VPS13B: variants seen among roughly 807,000 people sequenced by gnomAD.
VPS13B encodes intermembrane lipid transfer protein VPS13B.
Under a neutral mutation model 426.4 loss-of-function variants are expected in VPS13B, and 285 were observed. The observed-to-expected ratio is 0.67, with a 90% CI of 0.61 to 0.74. The LOEUF (loss-of-function observed/expected upper bound fraction) is 0.74, where lower values mean the gene tolerates loss of function less well. Among genes scored for constraint, VPS13B ranks in the 30% least tolerant of loss-of-function variants. The pLI is 0.00. For synonymous variants in VPS13B, 1,676 were observed against 1,676.4 expected (o/e 1.00, Z 0.01); for missense variants, 4,537 against 4,782.6 (o/e 0.95, Z 1.51).
rs1357373808 is a variant in VPS13B at position 99,640,108 on chromosome 8, AAAG to A, written c.5221-1693_5221-1691del. Reference sequence around the variant, plus strand: ...AAAGAAAAGAAAAGAAAAGAAAAGAAAAGAAGAAGAAGCAATACCCAGTTACCC... The same window carrying A: ...AAAGAAAAGAAAAGAAAAGAAAAGAAAAGAAGAAGCAATACCCAGTTACCC... On this transcript the variant is annotated intron_variant, in intron 33 of 61. Transcript: ENST00000357162. 2.1e-4 allele frequency among the ~76,000 whole-genome samples: 31 copies of A among 149,624 alleles called. 1 individual carries two copies. Among genetic ancestry groups the A allele is most frequent in the Admixed American group, 6.7e-4 (10 of 14,966 alleles).
At chr8:99,312,770 C>A (rs1220305234) in intron 19 of VPS13B, among the ~76,000 whole-genome samples, 1 of 152,170 alleles carries the variant, frequency 6.6e-6, no homozygotes, top group Non-Finnish European at 1.5e-5. Context: ...TGTTTTCTGA[C>A]TTGGTTCCAT....
Position 99,115,871 on chromosome 8 carries a change from A to G in VPS13B, c.934A>G (p.Thr312Ala), listed in dbSNP as rs780702951. 27 of 1,612,020 alleles carry G rather than the reference A, an allele frequency of 1.7e-5. No homozygotes were observed. In the African/African-American group the frequency reaches 2.7e-4, roughly 16 times the overall value. Residue 312 changes from threonine to alanine, a missense_variant, in exon 7 of 62, where the codon ACA becomes GCA. By Grantham distance (58) the Thr-to-Ala change is moderately conservative. Coordinates refer to ENST00000357162, the MANE Select transcript of VPS13B (RefSeq NM_152564.5). ...TAATAAAGATATGCTAGGAAACATT[A>G]CAGGTAATGTAAAACTTTATTAAAC... ...CHNKDMLGNI[T>A]GSEDETRIDM...
At chr8:99,421,456 A>G (rs1458255878) in intron 21 of VPS13B, among the ~76,000 whole-genome samples, 40 of 152,130 alleles carry the variant, frequency 2.6e-4, no homozygotes, top group Non-Finnish European at 1.5e-5. Flanking sequence ...ACTAGGAGTC[A>G]TTGTATGGGG....
intron 41 of VPS13B, 140 bp downstream of exon 41, chr8:99,777,096 G>A: frequency 9.5e-7 from 1 of 1,057,528 alleles, no homozygotes. Context: ...GTTATCCTGG[G>A]GTTGACTTGG....
At chr8:99,129,171 T>G (rs1251858348) in intron 8 of VPS13B, among the ~76,000 whole-genome samples, 2 of 152,114 alleles carry the variant, frequency 1.3e-5, no homozygotes, top group Non-Finnish European at 2.9e-5. Flanking sequence ...TTAACATCAT[T>G]ATTCTCAGTT....
chr8:99,752,946 C>T (rs1036610606), intron 39 of VPS13B, among the ~76,000 whole-genome samples: 11 of 152,240 alleles, frequency 7.2e-5, no homozygotes, highest in Admixed American at 2.0e-4. Flanking sequence ...AACTGAAATA[C>T]GGGAGTCAGT....
intron 39 of VPS13B, among the ~76,000 whole-genome samples, chr8:99,740,524 G>C (rs1026321300): frequency 6.6e-6 from 1 of 152,158 alleles, no homozygotes; most frequent in Non-Finnish European, 1.5e-5. Context: ...ATAATTGTCA[G>C]ATTCACCAAA....
chr8:99,379,278 A>C lies in VPS13B; in HGVS notation c.2825-4930A>C, dbSNP rs147683419. On this transcript the variant is annotated intron_variant, in intron 19 of 61. Coordinates refer to ENST00000357162, the MANE Select transcript of VPS13B (RefSeq NM_152564.5). ...AAGACTGGGGATTGTTGGTCTTCAC[A>C]AGAAAGTCTAAGGCTCATCTATCTC... Among the ~76,000 whole-genome samples the C allele has an allele frequency of 7.7e-3, 1,172 of 152,272 alleles. 17 individuals are homozygous for C. The highest frequency in any genetic ancestry group is 0.027 in the African/African-American group (1,137 of 41,554).
At chr8:99,372,822 C>G (rs1221387500) in intron 19 of VPS13B, among the ~76,000 whole-genome samples, 1 of 152,082 alleles carries the variant, frequency 6.6e-6, no homozygotes, top group African/African-American at 2.4e-5. Context: ...GGGTATATAC[C>G]CAAAGGATTA....
At chr8:99,441,363 C>T (rs150096845) in intron 22 of VPS13B, among the ~76,000 whole-genome samples, 33 of 152,156 alleles carry the variant, frequency 2.2e-4, no homozygotes, top group African/African-American at 7.7e-4. Flanking sequence ...TTGCTATTAT[C>T]TTTTAAAAAT....
intron 40 of VPS13B, among the ~76,000 whole-genome samples, chr8:99,767,877 C>T (rs190180990): frequency 6.6e-6 from 1 of 151,984 alleles, no homozygotes; most frequent in African/African-American, 2.4e-5. Flanking sequence ...TGCAGTGAGC[C>T]GTGATCTCAC....
chr8:99,733,346 C>G (rs1384120390), intron 39 of VPS13B, among the ~76,000 whole-genome samples: 1 of 152,158 alleles, frequency 6.6e-6, no homozygotes, highest in East Asian at 1.9e-4. Flanking sequence ...GAGTCCAAAT[C>G]CAAGGTCAGC....
intron 30 of VPS13B, among the ~76,000 whole-genome samples, chr8:99,549,709 G>C (rs1294442783): frequency 2.0e-5 from 3 of 152,032 alleles, no homozygotes; most frequent in Non-Finnish European, 2.9e-5. Flanking sequence ...AAAACGGCCT[G>C]TCTTTGGCTG....
Position 99,823,818 on chromosome 8 carries a change from C to T in VPS13B, c.9184-14C>T. On this transcript the variant is annotated splice_polypyrimidine_tract_variant and intron_variant, in intron 50 of 61. Transcript: ENST00000357162. ...CAGTATTGTCAAAATTATTTTTTCT[C>T]AATTATCTTGTAGTTATGTCAGTTC... is the stretch of plus-strand genomic sequence containing the variant. The T allele has an allele frequency of 1.2e-6, 2 of 1,612,094 alleles. No individual in the cohort carries two copies. The highest frequency in any genetic ancestry group is 1.7e-6 in the Non-Finnish European group (2 of 1,179,302).
chr8:99,303,947 A>G (rs955031350), intron 19 of VPS13B, among the ~76,000 whole-genome samples: 1 of 151,978 alleles, frequency 6.6e-6, no homozygotes, highest in African/African-American at 2.4e-5. Flanking sequence ...CCATAGCTTA[A>G]TTTTGACGTT....
chr8:99,748,179 C>T (rs1474744730), intron 39 of VPS13B, among the ~76,000 whole-genome samples: 4 of 151,994 alleles, frequency 2.6e-5, no homozygotes, highest in Non-Finnish European at 1.5e-5. Context: ...AAAAAGCACT[C>T]CCCAAACTCA....
intron 39 of VPS13B, among the ~76,000 whole-genome samples, chr8:99,734,778 G>A (rs998415482): frequency 1.3e-5 from 2 of 152,184 alleles, no homozygotes; most frequent in Non-Finnish European, 2.9e-5. Flanking sequence ...AGTTGGAATG[G>A]GAAGGAGGAA....
intron 17 of VPS13B, among the ~76,000 whole-genome samples, chr8:99,229,767 C>T (rs557858182): frequency 3.8e-4 from 58 of 152,222 alleles, no homozygotes; most frequent in Non-Finnish European, 6.9e-4. Context: ...AGGTGTCATA[C>T]TCTAAAGCCT....
chr8:99,491,680 C>G (rs1261740183), intron 25 of VPS13B, among the ~76,000 whole-genome samples: 1 of 152,116 alleles, frequency 6.6e-6, no homozygotes, highest in Non-Finnish European at 1.5e-5. Flanking sequence ...GCATGCATCA[C>G]GTAGTTCTCG....
Sources: allele counts gnomAD v4.1 joint callset (sites outside exome capture counted in the v4.1 genomes callset), GRCh38; gene constraint gnomAD v4.1.1; transcripts MANE v1.5; gene names NCBI Gene and HGNC (gene_info 2026-07-23, HGNC 2026-07-21).